Variants in PTPN7 observed in about 807,000 individuals in gnomAD.
The protein encoded by PTPN7 is tyrosine-protein phosphatase non-receptor type 7.
A neutral mutation model predicts 50.3 loss-of-function variants in PTPN7; 33 were observed. The ratio of observed to expected loss-of-function variants is 0.66; its 90% CI spans 0.50 to 0.88. The LOEUF (loss-of-function observed/expected upper bound fraction) is 0.88. Among genes scored for constraint, PTPN7 ranks in the 40% least tolerant of loss-of-function variants. PTPN7 has a pLI of 0.00. For synonymous variants in PTPN7, 185 were observed against 186.6 expected, an observed-to-expected ratio of 0.99 and a Z score of 0.07; for missense variants, 412 against 475.4, an observed-to-expected ratio of 0.87 and a Z score of 1.24.
chr1:202,148,454 C>G lies in PTPN7; in HGVS notation c.*152G>C, dbSNP rs1655558806. The G allele has an allele frequency of 1.7e-6, 1 of 600,714 alleles. No individual in the cohort carries two copies. Among genetic ancestry groups the G allele is most frequent in the African/African-American group, 1.9e-5 (1 of 53,680 alleles). 37.2% of individuals were successfully genotyped at this position (600,714 alleles called of 1,614,324 possible). The stretch of plus-strand genomic sequence containing the variant: ...ATCCGGCCCCTTGTCCTTACTGCTG[C>G]TGCTTCCTGTGACTGCAAGCACCAC... On this transcript the variant is annotated 3_prime_UTR_variant, in exon 10 of 10. Coordinates refer to ENST00000691036, the MANE Select transcript of PTPN7 (RefSeq NM_002832.4).
intron 4 of PTPN7, among the ~76,000 whole-genome samples, chr1:202,156,916 C>T (rs781502264): frequency 6.6e-6 from 1 of 152,262 alleles, no homozygotes; most frequent in Admixed American, 6.5e-5. Context: ...AGGGTCACCC[C>T]CTCCTAGCAC....
intron 3 of PTPN7, 125 bp from the exon 4 acceptor site, chr1:202,157,948 GTGGGGGCAGAAGGGGAAGCC>G: frequency 8.0e-7 from 1 of 1,246,216 alleles, no homozygotes; most frequent in South Asian, 1.4e-5. Context: ...CCTAGATGGG[GTGGGGGCAGAAGGGGAAGCC>G]TGGGGGCAGC....
chr1:202,161,211 CTCCACGCCTGT>C (rs1657344425), upstream of PTPN7: 13 of 1,124,564 alleles, frequency 1.2e-5, no homozygotes, highest in Non-Finnish European at 1.4e-5. Context: ...AAAAGGTCGT[CTCCACGCCTGT>C]GCCACGGCCC....
upstream of PTPN7, chr1:202,161,259 G>A: frequency 3.5e-6 from 4 of 1,144,040 alleles, no homozygotes; most frequent in South Asian, 7.6e-5. Flanking sequence ...CGGCCTGAGT[G>A]TAGGCCAGCC....
At chr1:202,152,361 T>C (rs1656103110) in intron 8 of PTPN7, among the ~76,000 whole-genome samples, 181 bp downstream of exon 8, 1 of 152,240 alleles carries the variant, frequency 6.6e-6, no homozygotes, top group Non-Finnish European at 1.5e-5. Context: ...CCCAGATGTC[T>C]GGGTTCTGCG....
Position 202,159,637 on chromosome 1 carries a change from T to C in PTPN7, c.-52-183A>G, listed in dbSNP as rs2147855204. ...TGGTGGGACCCAGGGCAGAAGGCAG[T>C]CTCGGGGTAGAGTAACGGCAAGATA... On this transcript the variant is annotated intron_variant, in intron 1 of 9. Coordinates refer to ENST00000691036, the MANE Select transcript of PTPN7 (RefSeq NM_002832.4). This position sits in a 1 kb window ranked among gnomAD's most constrained non-coding sequence, Gnocchi z 4.6. 4.1e-6 allele frequency: 6 copies of C among 1,459,902 alleles called. No homozygotes were observed. In the South Asian group the frequency reaches 4.5e-5, roughly 11 times the overall value. The allele number at this position is 1,459,902 out of a possible 1,614,324, so 90.4% of individuals were successfully genotyped here.
chr1:202,153,133 C>T (rs1236000992), intron 7 of PTPN7, among the ~76,000 whole-genome samples: 1 of 152,072 alleles, frequency 6.6e-6, no homozygotes, highest in Admixed American at 6.6e-5. Flanking sequence ...CATGTTATTC[C>T]ACATCTCTTT....
chr1:202,154,978 C>T (rs1383363174), intron 5 of PTPN7, among the ~76,000 whole-genome samples: 1 of 152,200 alleles, frequency 6.6e-6, no homozygotes, highest in African/African-American at 2.4e-5. Context: ...TCCCTGCGCC[C>T]CTGACTGATG....
chr1:202,157,828 C>G lies in PTPN7; in HGVS notation c.307-5G>C. The G allele has an allele frequency of 6.2e-7, 1 of 1,613,444 alleles. No homozygotes were observed. The highest frequency in any genetic ancestry group is 8.5e-7 in the Non-Finnish European group (1 of 1,179,410). ...GACAAAGTTTGAAGGGATCTTCTGG[C>G]AGGGGGAGGAAATGGGTGAGCAGCT... On this transcript the variant is annotated splice_region_variant and splice_polypyrimidine_tract_variant and intron_variant, in intron 3 of 9. Transcript: ENST00000691036.
chr1:202,160,229 G>T lies in PTPN7; in HGVS notation c.-53+316C>A, dbSNP rs867839243. Among the ~76,000 whole-genome samples, 1 of 152,116 alleles carries T rather than the reference G, an allele frequency of 6.6e-6. No homozygotes were observed. Among genetic ancestry groups the T allele is most frequent in the Admixed American group, 6.5e-5 (1 of 15,272 alleles). ...CCAGGGTCACAGTGGGCGAGGTGGC[G>T]GGGGTGTTGAATCACCAAGGCAGCA... On this transcript the variant is annotated intron_variant, in intron 1 of 9. Transcript: ENST00000691036. The surrounding 1 kb of genome is among the most constrained non-coding windows in gnomAD (Gnocchi z 4.8).
chr1:202,156,098 A>G (rs76069484), intron 4 of PTPN7, among the ~76,000 whole-genome samples: 7,301 of 152,268 alleles, frequency 0.048, 218 homozygotes, highest in Middle Eastern at 0.099. Context: ...TTATACGCAG[A>G]CAGTAGGAAG....
intron 4 of PTPN7, among the ~76,000 whole-genome samples, chr1:202,156,295 GGTTTA>G (rs1230168244): frequency 6.6e-6 from 1 of 152,182 alleles, no homozygotes; most frequent in Non-Finnish European, 1.5e-5. Flanking sequence ...GATCAGTACA[GGTTTA>G]GAACAAGATT....
chr1:202,157,340 C>T lies in PTPN7; in HGVS notation c.391+399G>A, dbSNP rs545651664. Among the ~76,000 whole-genome samples, 4 of 152,222 alleles carry T rather than the reference C, an allele frequency of 2.6e-5. No individual in the cohort carries two copies. The South Asian group carries it at 8.3e-4, about 32-fold the overall frequency. On this transcript the variant is annotated intron_variant, in intron 4 of 9. Transcript: ENST00000691036. ...GCCTGACCAACATGGAGAAACCCCACCTCTGCTAAAAATACAAAATTAGCC... is the reference window on the plus strand; with the variant it reads ...GCCTGACCAACATGGAGAAACCCCATCTCTGCTAAAAATACAAAATTAGCC...
At chr1:202,155,016 C>T (rs561326039) in intron 5 of PTPN7, among the ~76,000 whole-genome samples, 102 of 152,286 alleles carry the variant, frequency 6.7e-4, no homozygotes, top group African/African-American at 2.4e-3. Context: ...CACTAGAGAG[C>T]GCTGCTTTTA....
At chr1:202,151,970 G>A (rs1002388356) in intron 8 of PTPN7, among the ~76,000 whole-genome samples, 2 of 151,836 alleles carry the variant, frequency 1.3e-5, no homozygotes, top group Non-Finnish European at 2.9e-5. Flanking sequence ...CCAGGCTGGA[G>A]TGCAGTGGTG....
chr1:202,157,912 A>G (rs929658926), intron 3 of PTPN7, 89 bp from the exon 4 acceptor site: 2 of 1,286,032 alleles, frequency 1.6e-6, no homozygotes, highest in African/African-American at 2.9e-5. Context: ...GACTCTGGCC[A>G]TTCCTTCTTG....
In PTPN7 at chr1:202,150,572, T is replaced by G. The variant is rs1257345621; in HGVS notation, c.876-148A>C. Reference sequence around the variant, plus strand: ...GAGATGGAGGCAGGTAGCAGTACTCTGCTTTCCAGTCCCCTTGGGGGCCCT... The same window carrying G: ...GAGATGGAGGCAGGTAGCAGTACTCGGCTTTCCAGTCCCCTTGGGGGCCCT... On this transcript the variant is annotated intron_variant, in intron 8 of 9. Coordinates refer to ENST00000691036, the MANE Select transcript of PTPN7 (RefSeq NM_002832.4). 8.0e-6 allele frequency: 5 copies of G among 627,530 alleles called. No homozygotes were observed. In the African/African-American group the frequency reaches 9.1e-5, roughly 11 times the overall value. The allele number at this position is 627,530 out of a possible 1,614,324, so 38.9% of individuals were successfully genotyped here. A position where few individuals can be genotyped will look rare whatever the true frequency, so the allele number is the denominator to read the frequency against.
chr1:202,159,800 T>C lies in PTPN7; in HGVS notation c.-52-346A>G. 2 of 1,194,928 alleles carry C rather than the reference T, an allele frequency of 1.7e-6. No individual in the cohort carries two copies. Among genetic ancestry groups the C allele is most frequent in the East Asian group, 3.7e-5 (1 of 27,266 alleles). 74.0% of individuals were successfully genotyped at this position (1,194,928 alleles called of 1,614,324 possible). On this transcript the variant is annotated intron_variant, in intron 1 of 9. Transcript: ENST00000691036. The surrounding 1 kb of genome is among the most constrained non-coding windows in gnomAD (Gnocchi z 4.6). ...AAGGCAAGGGAGGAAACAGAAAATA[T>C]GTGTTCTCTAGGACGGAAGGGAGAA... is the stretch of plus-strand genomic sequence containing the variant.
At chr1:202,158,837 C>T (rs535703222) in intron 2 of PTPN7, 32 of 166,148 alleles carry the variant, frequency 1.9e-4, no homozygotes, top group South Asian at 3.1e-4. Context: ...TTGCCTAGGC[C>T]GGTCTCTAAT....
Sources: allele counts gnomAD v4.1 joint callset (sites outside exome capture counted in the v4.1 genomes callset), GRCh38; gene constraint gnomAD v4.1.1; non-coding constraint Gnocchi (gnomAD v3.1); transcripts MANE v1.5; gene names NCBI Gene and HGNC (gene_info 2026-07-23, HGNC 2026-07-21).